The following LY75 variants were observed in gnomAD, a reference collection of about 807,000 sequenced individuals.
The protein encoded by LY75 is C-type lectin domain family 13 member B.
LY75 carries 185 observed loss-of-function variants against 231.7 expected under a neutral mutation model. The ratio of observed to expected loss-of-function variants is 0.80; its 90% confidence interval spans 0.71 to 0.90. LY75 has a LOEUF of 0.90. LY75 is among the 40% of genes least tolerant of loss of function. The pLI, the probability that LY75 is intolerant of heterozygous loss-of-function variation, is 0.00. For synonymous variants in LY75, 668 were observed against 689.0 expected (o/e 0.97, Z 0.48); for missense variants, 1,947 against 2,050.2 (o/e 0.95, Z 0.97).
intron 28 of LY75, among the ~76,000 whole-genome samples, chr2:159,824,567 T>C (rs1360692901): frequency 6.6e-6 from 1 of 152,144 alleles, no homozygotes; most frequent in African/African-American, 2.4e-5. Flanking sequence ...AGACAGAAAA[T>C]TAACAAGGAT....
intron 34 of LY75, among the ~76,000 whole-genome samples, chr2:159,805,801 A>G (rs1022870463): frequency 3.9e-5 from 6 of 152,146 alleles, no homozygotes; most frequent in African/African-American, 7.2e-5. Context: ...AAAATGGCCA[A>G]CGTAGAACTT....
At chr2:159,886,256 C>G (rs1480108744) in intron 5 of LY75, among the ~76,000 whole-genome samples, 164 bp downstream of exon 5, 4 of 152,150 alleles carry the variant, frequency 2.6e-5, no homozygotes. Context: ...TTGGCAATAA[C>G]AGTACCACAA....
In LY75 at chr2:159,816,964, C is replaced by T; in HGVS notation, c.4222G>A (p.Val1408Ile). The change falls in exon 30 of 35, where the codon GTT (valine) becomes ATT (isoleucine). Residue 1408 changes from valine to isoleucine, a missense_variant. Transcript: ENST00000263636. ...FMPYEDGIYS[V>I]IQKKVTWYEA... is the part of the protein sequence containing the mutation. ...TACCATGTTACCTTTTTTTGAATAA[C>T]ACTGTAAATACCATCTTCATATGGC... The T allele has an allele frequency of 6.2e-7, 1 of 1,614,126 alleles. No homozygotes were observed. Among genetic ancestry groups the T allele is most frequent in the South Asian group, 1.1e-5 (1 of 91,084 alleles).
chr2:159,819,718 A>G lies in LY75; in HGVS notation c.4153+8T>C, dbSNP rs1240596267. On this transcript the variant is annotated splice_region_variant and intron_variant, in intron 29 of 34. Transcript: ENST00000263636. The stretch of plus-strand genomic sequence containing the variant: ...GTGAAAGAAAACTCTATATTTTACT[A>G]TACTTACCCATTTCAATTTTACAAG... The G allele has an allele frequency of 6.2e-7, 1 of 1,604,378 alleles. No homozygotes were observed. The highest frequency in any genetic ancestry group is 8.5e-7 in the Non-Finnish European group (1 of 1,176,886).
Position 159,875,568 on chromosome 2 carries a change from A to G in LY75, c.1850T>C (p.Phe617Ser). The G allele has an allele frequency of 6.2e-7, 1 of 1,614,056 alleles. No homozygotes were observed. Among genetic ancestry groups the G allele is most frequent in the African/African-American group, 1.3e-5 (1 of 75,010 alleles). ...TTTCTTGCAAATTGAAAGTGCTTTG[A>G]AGCTTCTGCAGTCCTTCACCTCCCA... The part of the protein sequence containing the change: ...GKWEVKDCRS[F>S]KALSICKKMS... The change falls in exon 12 of 35, where the codon TTC becomes TCC. Residue 617 changes from phenylalanine (F) to serine (S), a missense_variant. Coordinates refer to ENST00000263636, the MANE Select transcript of LY75 (RefSeq NM_002349.4).
At position 159,803,728 on chromosome 2, in the gene LY75, A is replaced by G. The variant is rs1682721705; in HGVS notation, c.*1316T>C. On this transcript the variant is annotated 3_prime_UTR_variant, in exon 35 of 35. Coordinates refer to ENST00000263636, the MANE Select transcript of LY75 (RefSeq NM_002349.4). The stretch of plus-strand genomic sequence containing the variant: ...AATCTAGGTGTCAAAACTTAAAGTG[A>G]TAACCACAAAGCAATGTTTTCTTAA... The G allele has an allele frequency of 6.6e-6, 1 of 152,252 alleles. No homozygotes were observed. Among genetic ancestry groups the G allele is most frequent in the Admixed American group, 6.5e-5 (1 of 15,290 alleles). The allele number at this position is 152,252 out of a possible 1,614,324, so 9.4% of individuals were successfully genotyped here.
At chr2:159,887,708 A>T (rs1372061519) in intron 4 of LY75, among the ~76,000 whole-genome samples, 1 of 152,176 alleles carries the variant, frequency 6.6e-6, no homozygotes, top group Non-Finnish European at 1.5e-5. Context: ...ACACTGGAAG[A>T]GGAACTTGAA....
intron 23 of LY75, among the ~76,000 whole-genome samples, chr2:159,842,632 C>T (rs1369340021): frequency 6.6e-6 from 1 of 152,006 alleles, no homozygotes; most frequent in Non-Finnish European, 1.5e-5. Context: ...TAAGATAAAA[C>T]ACCTCCAGCA....
At chr2:159,877,595 C>T (rs185392391) in intron 11 of LY75, among the ~76,000 whole-genome samples, 51 of 152,266 alleles carry the variant, frequency 3.3e-4, no homozygotes, top group African/African-American at 1.2e-3. Context: ...AGAAGCCAGG[C>T]ACAGTGGCTC....
chr2:159,878,513 T>C lies in LY75; in HGVS notation c.1605-20A>G. The C allele has an allele frequency of 6.2e-7, 1 of 1,613,248 alleles. No homozygotes were observed. The highest frequency in any genetic ancestry group is 8.5e-7 in the Non-Finnish European group (1 of 1,179,632). On this transcript the variant is annotated intron_variant, in intron 10 of 34. Coordinates refer to ENST00000263636, the MANE Select transcript of LY75 (RefSeq NM_002349.4). ...TCAAATCTACAAAAGGAGAATCAAA[T>C]TGGCAAGTGTTTCACAATGATTGAC... is the stretch of plus-strand genomic sequence containing the variant.
intron 14 of LY75, among the ~76,000 whole-genome samples, chr2:159,862,789 CT>C (rs2125861742): frequency 6.6e-6 from 1 of 152,268 alleles, no homozygotes; most frequent in Admixed American, 6.5e-5. Flanking sequence ...AATGCATTAT[CT>C]CACACAGTTA....
intron 33 of LY75, chr2:159,807,667 G>C (rs920098396): frequency 1.7e-5 from 17 of 985,088 alleles, no homozygotes; most frequent in Admixed American, 6.1e-5. Context: ...ACACGATTTA[G>C]GATTCATTTA....
chr2:159,867,621 G>A (rs1004632186), intron 13 of LY75, among the ~76,000 whole-genome samples: 10 of 152,268 alleles, frequency 6.6e-5, no homozygotes, highest in Admixed American at 3.9e-4. Context: ...TGCTGCATTT[G>A]GTTGCTAAGG....
At chr2:159,889,055 T>C (rs1685674782) in intron 4 of LY75, among the ~76,000 whole-genome samples, 1 of 152,180 alleles carries the variant, frequency 6.6e-6, no homozygotes. Flanking sequence ...GTAACTTAGG[T>C]TCCTTGATTT....
chr2:159,833,884 T>C (rs1574540651), intron 27 of LY75, among the ~76,000 whole-genome samples, 160 bp downstream of exon 27: 1 of 152,228 alleles, frequency 6.6e-6, no homozygotes, highest in East Asian at 1.9e-4. Flanking sequence ...CCTGCTGCCA[T>C]GTAAACATGT....
rs748407511 is a variant in LY75, at chr2:159,840,933, C to T, written c.3303G>A (p.Leu1101=). Residue 1101 remains leucine, a synonymous_variant, in exon 25 of 35, where the codon TTG becomes TTA. Coordinates refer to ENST00000263636, the MANE Select transcript of LY75 (RefSeq NM_002349.4). ...KYSEVKSRQT[L]QNASETVKYL... Reference sequence around the variant, plus strand: ...ACTTTACAGTTTCTGAAGCATTCTGCAACGTCTGTCTGCTTTTAACTTCTG... The same window carrying T: ...ACTTTACAGTTTCTGAAGCATTCTGTAACGTCTGTCTGCTTTTAACTTCTG... 9 of 1,613,854 alleles carry T rather than the reference C, an allele frequency of 5.6e-6. No homozygotes were observed. In the East Asian group the frequency reaches 1.3e-4, roughly 24 times the overall value.
At chr2:159,892,114 C>T (rs973122011) in intron 3 of LY75, among the ~76,000 whole-genome samples, 2 of 152,136 alleles carry the variant, frequency 1.3e-5, no homozygotes, top group African/African-American at 4.8e-5. Context: ...GGGGGGCCCA[C>T]CAAAAATCTA....
At chr2:159,853,745 G>A in intron 18 of LY75, 48 bp from the exon 19 acceptor site, 1 of 1,610,450 alleles carries the variant, frequency 6.2e-7, no homozygotes, top group Non-Finnish European at 8.5e-7. Flanking sequence ...GAGCTTTCTT[G>A]AGGGTTTTGA....
chr2:159,852,248 C>T lies in LY75; in HGVS notation c.2836G>A (p.Ala946Thr). ...TGCTCAGAACATTGCACTTTAGCTG[C>T]AGAATCTGGGCTGTATTTCTCTAAC... ...SSLEKYSPDS[A>T]AKVQCSEQWI... The change falls in exon 21 of 35, where the codon GCA becomes ACA. Residue 946 changes from alanine (A) to threonine (T), a missense_variant. Coordinates refer to ENST00000263636, the MANE Select transcript of LY75 (RefSeq NM_002349.4). The T allele has an allele frequency of 6.2e-7, 1 of 1,614,008 alleles. No individual in the cohort carries two copies. The highest frequency in any genetic ancestry group is 8.5e-7 in the Non-Finnish European group (1 of 1,179,978).
Sources: allele counts gnomAD v4.1 joint callset (sites outside exome capture counted in the v4.1 genomes callset), GRCh38; gene constraint gnomAD v4.1.1; transcripts MANE v1.5; gene names NCBI Gene and HGNC (gene_info 2026-07-23, HGNC 2026-07-21).